Variants in SPATC1 observed in about 807,000 individuals in gnomAD.
SPATC1 encodes spermatogenesis and centriole associated 1.
In SPATC1, 35 loss-of-function variants were observed where a neutral mutation model predicts 36.5. The ratio of observed to expected loss-of-function variants is 0.96; its 90% CI spans 0.73 to 1.27. SPATC1 has a LOEUF of 1.27. Ranked by LOEUF, SPATC1 falls within the 50% of genes most tolerant of loss-of-function variation. SPATC1 has a pLI of 0.00. For synonymous variants in SPATC1, 361 were observed against 353.6 expected (o/e 1.02, Z -0.24); for missense variants, 779 against 796.0 (o/e 0.98, Z 0.26).
intron 4 of SPATC1, among the ~76,000 whole-genome samples, chr8:144,044,437 G>C (rs1835202610): frequency 6.6e-6 from 1 of 151,098 alleles, no homozygotes; most frequent in East Asian, 2.0e-4. Flanking sequence ...AAGTAGCTGG[G>C]ACTACAGGCG....
At chr8:144,044,116 G>A (rs1835191043) in intron 4 of SPATC1, among the ~76,000 whole-genome samples, 1 of 152,174 alleles carries the variant, frequency 6.6e-6, no homozygotes, top group Admixed American at 6.5e-5. Context: ...AGGCAGTCCT[G>A]AGTCAATCCA....
At chr8:144,027,347 C>T (rs959518515) in intron 1 of SPATC1, among the ~76,000 whole-genome samples, 5 of 152,148 alleles carry the variant, frequency 3.3e-5, no homozygotes, top group Non-Finnish European at 7.3e-5. Flanking sequence ...TGGATATAGT[C>T]CCTCCTCAAA....
chr8:144,027,020 G>C (rs1254026624), intron 1 of SPATC1, among the ~76,000 whole-genome samples: 2 of 128,810 alleles, frequency 1.6e-5, no homozygotes, highest in Non-Finnish European at 3.2e-5. Flanking sequence ...TTTTAGTAGA[G>C]ACGGGGTTTC....
intron 1 of SPATC1, among the ~76,000 whole-genome samples, chr8:144,014,503 A>G (rs1249162628): frequency 6.6e-6 from 1 of 151,884 alleles, no homozygotes; most frequent in Non-Finnish European, 1.5e-5. Flanking sequence ...GGAAGGAAGG[A>G]AAGAAATCTT....
At chr8:144,033,193 C>T (rs1373746437) in intron 1 of SPATC1, among the ~76,000 whole-genome samples, 12 of 151,956 alleles carry the variant, frequency 7.9e-5, no homozygotes, top group Admixed American at 5.2e-4. Flanking sequence ...GTCAGGAGTT[C>T]GAGACCAGCC....
intron 1 of SPATC1, among the ~76,000 whole-genome samples, chr8:144,020,121 G>T (rs2133103991): frequency 6.7e-6 from 1 of 150,128 alleles, no homozygotes; most frequent in East Asian, 2.0e-4. Flanking sequence ...CAAGAAACAC[G>T]TTCCCGCTCA....
rs1834689582 is a variant in SPATC1, at chr8:144,026,857, G to A, written c.212-13052G>A. Reference sequence around the variant, plus strand: ...GAGTCTCGCTCTGTTGCCCAGGCTAGAGAGTGCAGTGGCGCGATCTTGGCT... The same window carrying A: ...GAGTCTCGCTCTGTTGCCCAGGCTAAAGAGTGCAGTGGCGCGATCTTGGCT... On this transcript the variant is annotated intron_variant, in intron 1 of 4. Coordinates refer to ENST00000377470, the MANE Select transcript of SPATC1 (RefSeq NM_198572.3). Among the ~76,000 whole-genome samples, 28 of 144,900 alleles carry A rather than the reference G, an allele frequency of 1.9e-4. 2 individuals are homozygous for A. The South Asian group carries it at 5.8e-3, about 30-fold the overall frequency.
chr8:144,027,291 T>C (rs2133120374), intron 1 of SPATC1, among the ~76,000 whole-genome samples: 1 of 152,318 alleles, frequency 6.6e-6, no homozygotes, highest in African/African-American at 2.4e-5. Context: ...CATTTTTAAA[T>C]TGGGCTGTCT....
At chr8:144,035,682 G>A (rs1030871867) in intron 1 of SPATC1, among the ~76,000 whole-genome samples, 4 of 152,192 alleles carry the variant, frequency 2.6e-5, no homozygotes, top group Non-Finnish European at 4.4e-5. Flanking sequence ...AGCCCTGACC[G>A]GCTGGCCCCT....
Position 144,040,539 on chromosome 8 carries a change from TTTTA to T in SPATC1, c.767-25_767-22del, listed in dbSNP as rs782559921. The T allele has an allele frequency of 8.3e-6, 13 of 1,562,846 alleles. 1 individual carries two copies. In the South Asian group the frequency reaches 1.4e-4, roughly 17 times the overall value. ...TCCCACCTCACTCTAATCCCCCTTT[TTTTA>T]TTTCTGTTCCCTCCACATCACTAGT... On this transcript the variant is annotated intron_variant, in intron 2 of 4. Transcript: ENST00000377470.
intron 1 of SPATC1, among the ~76,000 whole-genome samples, chr8:144,033,082 A>C (rs997312958): frequency 6.6e-6 from 1 of 152,216 alleles, no homozygotes; most frequent in Admixed American, 6.5e-5. Context: ...AAAAAAAAAA[A>C]AAAAAAATTA....
intron 1 of SPATC1, among the ~76,000 whole-genome samples, chr8:144,039,161 T>C (rs990472689): frequency 1.3e-5 from 2 of 152,234 alleles, no homozygotes; most frequent in African/African-American, 4.8e-5. Flanking sequence ...AAACCTTCTC[T>C]GCACTCCCAC....
Position 144,046,849 on chromosome 8 carries a change from G to T in SPATC1, c.1669G>T (p.Val557Leu). ...GPYTVDFLQRVVVETVHPGML... is the reference protein window; with the variant it reads ...GPYTVDFLQRLVVETVHPGML... The stretch of plus-strand genomic sequence containing the variant: ...CTACACCGTGGACTTCCTGCAGCGT[G>T]TGGTGGTGGAGACCGTGCACCCCGG... Residue 557 changes from valine to leucine, a missense_variant, in exon 5 of 5, where the codon GTG (valine) becomes TTG (leucine). Val to Leu is a conservative substitution (Grantham distance 32). Coordinates refer to ENST00000377470, the MANE Select transcript of SPATC1 (RefSeq NM_198572.3). The surrounding 1 kb of genome is among the most constrained non-coding windows in gnomAD (Gnocchi z 6.6). 2 of 1,602,272 alleles carry T rather than the reference G, an allele frequency of 1.2e-6. No individual in the cohort carries two copies. The highest frequency in any genetic ancestry group is 1.7e-6 in the Non-Finnish European group (2 of 1,179,860).
Position 144,016,331 on chromosome 8 carries a change from G to C in SPATC1, c.211+3605G>C, listed in dbSNP as rs1339903418. On this transcript the variant is annotated intron_variant, in intron 1 of 4. Transcript: ENST00000377470. This position sits in a 1 kb window ranked among gnomAD's most constrained non-coding sequence, Gnocchi z 4.5. ...CGGTGTGTGATTTGTGAGTGAATGT[G>C]TGCATATGGCTCTGTGTGTGTGTGA... Among the ~76,000 whole-genome samples the C allele has an allele frequency of 6.6e-6, 1 of 152,084 alleles. No homozygotes were observed. Among genetic ancestry groups the C allele is most frequent in the Non-Finnish European group, 1.5e-5 (1 of 68,014 alleles).
chr8:144,014,343 A>G (rs1351975431), intron 1 of SPATC1, among the ~76,000 whole-genome samples: 4 of 151,248 alleles, frequency 2.6e-5, no homozygotes, highest in African/African-American at 7.3e-5. Flanking sequence ...AAGAAAGAGA[A>G]AGAAAGGGAA....
intron 1 of SPATC1, among the ~76,000 whole-genome samples, chr8:144,023,131 TCCC>T: frequency 8.8e-6 from 1 of 113,686 alleles, no homozygotes; most frequent in Non-Finnish European, 1.8e-5. Context: ...CAGGACCCTC[TCCC>T]CCCAGGACCC....
rs782318467 is a variant in SPATC1, at chr8:144,040,868, ACATCGCCCAGGGTGCCCCC to A, written c.1072_1090del (p.Ala358ProfsTer52). ...AGCTACACACCCTCAAGCACCACCCACATCGCCCAGGGTGCCCCCCATCCCCCTTCCCGAATGCATAATT... is the reference window on the plus strand; with the variant it reads ...AGCTACACACCCTCAAGCACCACCCACATCCCCCTTCCCGAATGCATAATT... On this transcript the variant is annotated frameshift_variant, in exon 3 of 5. Coordinates refer to ENST00000377470, the MANE Select transcript of SPATC1 (RefSeq NM_198572.3). LOFTEE classifies it high-confidence loss of function. 7 of 1,363,406 alleles carry A rather than the reference ACATCGCCCAGGGTGCCCCC, an allele frequency of 5.1e-6. No homozygotes were observed. Among genetic ancestry groups the A allele is most frequent in the Non-Finnish European group, 6.8e-6 (7 of 1,031,866 alleles). 84.5% of individuals were successfully genotyped at this position (1,363,406 alleles called of 1,614,324 possible). A position where few individuals can be genotyped will look rare whatever the true frequency, so the allele number is the denominator to read the frequency against.
chr8:144,019,545 G>A (rs942474239), intron 1 of SPATC1, among the ~76,000 whole-genome samples: 1 of 152,318 alleles, frequency 6.6e-6, no homozygotes, highest in East Asian at 1.9e-4. Flanking sequence ...TGGGAGCTGC[G>A]GCATGCAGAC....
At chr8:144,017,315 G>A (rs963598054) in intron 1 of SPATC1, among the ~76,000 whole-genome samples, 7 of 152,026 alleles carry the variant, frequency 4.6e-5, no homozygotes, top group African/African-American at 9.7e-5. Flanking sequence ...TTATAGAGTC[G>A]GGTTCTTATT....
Sources: gnomAD v4.1 joint callset for allele counts (sites outside exome capture counted in the v4.1 genomes callset) on GRCh38, gnomAD v4.1.1 for gene constraint, Gnocchi (gnomAD v3.1) non-coding constraint, MANE v1.5 for transcripts, NCBI Gene and HGNC (gene_info 2026-07-23, HGNC 2026-07-21) for gene names.